The following AGBL1 variants were observed in gnomAD, a reference collection of about 807,000 sequenced individuals.
AGBL1 encodes cytosolic carboxypeptidase 4.
A neutral mutation model predicts 118.9 loss-of-function variants in AGBL1; 130 were observed. That is an observed-to-expected ratio of 1.09 (90% CI 0.95 to 1.26). AGBL1 has a LOEUF of 1.26. Among genes scored for constraint, AGBL1 ranks in the 50% most tolerant of loss-of-function variants. The pLI, the probability that AGBL1 is intolerant of heterozygous loss-of-function variation, is 0.00. For missense variants in AGBL1, 1,584 were observed against 1,298.1 expected (o/e 1.22, Z -3.38); for synonymous variants, 555 against 478.9 (o/e 1.16, Z -2.08).
chr15:86,522,067 T>G (rs1475752270), intron 18 of AGBL1, among the ~76,000 whole-genome samples: 1 of 152,156 alleles, frequency 6.6e-6, no homozygotes, highest in Non-Finnish European at 1.5e-5. Context: ...TCACTGTGAG[T>G]GGCAGTCAAT....
chr15:86,955,463 G>A (rs1420410497), intron 23 of AGBL1, among the ~76,000 whole-genome samples: 3 of 151,574 alleles, frequency 2.0e-5, no homozygotes, highest in Admixed American at 1.3e-4. Context: ...ATAGAAATGA[G>A]TAAATTTAAA....
At chr15:86,963,947 A>G (rs2081019892) in intron 23 of AGBL1, among the ~76,000 whole-genome samples, 2 of 151,754 alleles carry the variant, frequency 1.3e-5, no homozygotes, top group African/African-American at 2.4e-5. Context: ...CATTGGCATA[A>G]TTTAAGAATA....
Position 86,132,419 on chromosome 15 carries a change from G to A in AGBL1, c.52-9585G>A, listed in dbSNP as rs563335891. Among the ~76,000 whole-genome samples the A allele has an allele frequency of 1.1e-4, 17 of 152,328 alleles. 1 individual carries two copies. In the South Asian group the frequency reaches 3.5e-3, roughly 32 times the overall value. On this transcript the variant is annotated intron_variant, in intron 1 of 22. Coordinates refer to ENST00000614907, the MANE Select transcript of AGBL1 (RefSeq NM_001386094.1). Reference sequence around the variant, plus strand: ...GAAGGCGGCAACCCATTTCCTTGACGACGGTGTGAGCCTTGGGTGGTAGAC... The same window carrying A: ...GAAGGCGGCAACCCATTTCCTTGACAACGGTGTGAGCCTTGGGTGGTAGAC...
intron 22 of AGBL1, among the ~76,000 whole-genome samples, chr15:86,679,375 G>A (rs2085909067): frequency 6.6e-6 from 1 of 151,822 alleles, no homozygotes; most frequent in Non-Finnish European, 1.5e-5. Context: ...TCACTACATT[G>A]CTTCTAAGTG....
chr15:86,669,820 A>G (rs1211697185), intron 21 of AGBL1, among the ~76,000 whole-genome samples: 1 of 152,202 alleles, frequency 6.6e-6, no homozygotes, highest in Non-Finnish European at 1.5e-5. Context: ...AAACTATGGC[A>G]ATAAAGTCTG....
intron 19 of AGBL1, among the ~76,000 whole-genome samples, chr15:86,528,238 C>T (rs1478520207): frequency 6.6e-6 from 1 of 152,156 alleles, no homozygotes; most frequent in Non-Finnish European, 1.5e-5. Context: ...TGGGCGCAGG[C>T]CAGTGGGTGC....
chr15:86,707,871 A>C (rs1333678234), intron 22 of AGBL1, among the ~76,000 whole-genome samples: 1 of 152,116 alleles, frequency 6.6e-6, no homozygotes, highest in Non-Finnish European at 1.5e-5. Context: ...TAAAGGGGCC[A>C]TACTTGATTA....
intron 17 of AGBL1, among the ~76,000 whole-genome samples, chr15:86,298,237 T>C (rs2079677518): frequency 1.3e-5 from 1 of 74,998 alleles, no homozygotes; most frequent in Non-Finnish European, 2.5e-5. Flanking sequence ...AGGGTACGTG[T>C]CTGTGTATAA....
At chr15:86,851,508 T>A (rs2079406621) in intron 22 of AGBL1, among the ~76,000 whole-genome samples, 2 of 152,302 alleles carry the variant, frequency 1.3e-5, no homozygotes, top group East Asian at 3.9e-4. Flanking sequence ...ATCAAACCCA[T>A]TCAGTGGGCA....
At chr15:86,700,593 G>A (rs565356876) in intron 22 of AGBL1, among the ~76,000 whole-genome samples, 43 of 151,886 alleles carry the variant, frequency 2.8e-4, no homozygotes, top group African/African-American at 9.9e-4. Context: ...AAGATATAGA[G>A]CATTAACACT....
chr15:86,784,785 A>G (rs1176081586), intron 22 of AGBL1, among the ~76,000 whole-genome samples: 2 of 152,196 alleles, frequency 1.3e-5, no homozygotes. Flanking sequence ...CTCAGTAGCT[A>G]TAGCCCGAGT....
At chr15:86,673,658 G>T (rs184837738) in intron 21 of AGBL1, among the ~76,000 whole-genome samples, 3 of 152,244 alleles carry the variant, frequency 2.0e-5, no homozygotes, top group South Asian at 2.1e-4. Context: ...TGCAGTAAGT[G>T]ATCAATTAAG....
intron 23 of AGBL1, among the ~76,000 whole-genome samples, chr15:86,961,841 C>A (rs1346908439): frequency 6.6e-6 from 1 of 152,062 alleles, no homozygotes; most frequent in Non-Finnish European, 1.5e-5. Flanking sequence ...TATTGCCTCT[C>A]AGGTGCATTT....
rs1228979200 is a variant in AGBL1 at position 86,954,958 on chromosome 15, T to C, written c.3222-33029T>C. Among the ~76,000 whole-genome samples, 7 of 152,306 alleles carry C rather than the reference T, an allele frequency of 4.6e-5. No homozygotes were observed. In the East Asian group the frequency reaches 1.4e-3, roughly 29 times the overall value. ...TGCTTTAGAGTTCACGTATCTTTAC[T>C]TATATATCTTTAACTTGTAAGAGTG... is the stretch of plus-strand genomic sequence containing the variant. On this transcript the variant is annotated intron_variant, in intron 23 of 24. Coordinates refer to the AGBL1 transcript ENST00000441037.
chr15:86,474,924 C>T lies in AGBL1; in HGVS notation c.2556-47886C>T, dbSNP rs558172300. ...GCAACATTTGCTGTTCAGCAATATT[C>T]GCTGTTCTGCAGCCTCTGCTGCTAA... On this transcript the variant is annotated intron_variant, in intron 18 of 22. Transcript: ENST00000614907. Among the ~76,000 whole-genome samples the T allele has an allele frequency of 1.2e-4, 18 of 152,328 alleles. No individual in the cohort carries two copies. In the South Asian group the frequency reaches 1.5e-3, roughly 12 times the overall value.
intron 18 of AGBL1, among the ~76,000 whole-genome samples, chr15:86,408,248 C>T (rs141698593): frequency 6.6e-6 from 1 of 152,146 alleles, no homozygotes; most frequent in Admixed American, 6.6e-5. Flanking sequence ...TTGATATTCT[C>T]TGTAGAAATG....
chr15:86,576,172 T>C (rs1049656337), intron 21 of AGBL1, among the ~76,000 whole-genome samples: 1 of 152,212 alleles, frequency 6.6e-6, no homozygotes, highest in African/African-American at 2.4e-5. Context: ...TTAAAATTTT[T>C]AGTGTAGTCA....
intron 22 of AGBL1, among the ~76,000 whole-genome samples, chr15:86,863,648 T>C (rs1445215775): frequency 3.3e-5 from 5 of 152,222 alleles, no homozygotes; most frequent in African/African-American, 1.2e-4. Context: ...GTGTTCCTAT[T>C]GTTTATTAGA....
At chr15:86,690,605 G>A (rs529918951) in intron 22 of AGBL1, among the ~76,000 whole-genome samples, 1 of 152,202 alleles carries the variant, frequency 6.6e-6, no homozygotes, top group East Asian at 1.9e-4. Flanking sequence ...AATTTATCTC[G>A]AATCATTAGG....
Sources: allele counts gnomAD v4.1 joint callset (sites outside exome capture counted in the v4.1 genomes callset), GRCh38; gene constraint gnomAD v4.1.1; transcripts MANE v1.5; gene names NCBI Gene and HGNC (gene_info 2026-07-23, HGNC 2026-07-21).